CTU2: variants seen among roughly 807,000 people sequenced by gnomAD.
CTU2 encodes cytoplasmic tRNA 2-thiolation protein 2.
Under a neutral mutation model 64.1 loss-of-function variants are expected in CTU2, and 80 were observed. That is an observed-to-expected ratio of 1.25 (90% CI 1.04 to 1.50). The LOEUF (loss-of-function observed/expected upper bound fraction) is 1.50, where lower values mean the gene tolerates loss of function less well. CTU2 is among the 40% of genes most tolerant of loss of function. CTU2 has a pLI of 0.00. For synonymous variants in CTU2, 482 were observed against 285.3 expected (o/e 1.69, Z -6.95); for missense variants, 1,110 against 690.2 (o/e 1.61, Z -6.81).
intron 13 of CTU2, 56 bp from the exon 14 acceptor site, chr16:88,714,992 G>A (rs996272203): frequency 9.4e-6 from 15 of 1,596,844 alleles, no homozygotes; most frequent in Middle Eastern, 3.3e-4. Context: ...CCTCGTGGGT[G>A]GCTTGAGGGG....
rs1555551313 is a variant in CTU2, at chr16:88,714,806, A to G, written c.1353-54A>G. The stretch of plus-strand genomic sequence containing the variant: ...GGAGGGGGACCTGTCCTTACCCCAC[A>G]CTGCACGGCATTGAGGTGCCAAGGT... On this transcript the variant is annotated intron_variant, in intron 12 of 14. Coordinates refer to ENST00000453996, the MANE Select transcript of CTU2 (RefSeq NM_001012759.3). The G allele has an allele frequency of 3.7e-6, 6 of 1,611,006 alleles. No individual in the cohort carries two copies. In the South Asian group the frequency reaches 4.4e-5, roughly 12 times the overall value.
intron 6 of CTU2, 77 bp from the exon 7 acceptor site, chr16:88,712,545 T>G: frequency 6.5e-7 from 1 of 1,549,096 alleles, no homozygotes; most frequent in Non-Finnish European, 8.7e-7. Flanking sequence ...GTCTCCCGCA[T>G]CCCGGAAGGT....
In CTU2 at chr16:88,714,745, C is replaced by G; in HGVS notation, c.1352+8C>G. ...CCAGGGGGCCTGCAGGAGGTGAGTC[C>G]CTGTCCCTGCCACCCATGGCCAGCT... On this transcript the variant is annotated splice_region_variant and intron_variant, in intron 12 of 14. Coordinates refer to ENST00000453996, the MANE Select transcript of CTU2 (RefSeq NM_001012759.3). 1 of 1,605,674 alleles carries G rather than the reference C, an allele frequency of 6.2e-7. No homozygotes were observed. Among genetic ancestry groups the G allele is most frequent in the Non-Finnish European group, 8.5e-7 (1 of 1,175,668 alleles).
chr16:88,713,847 C>G, intron 9 of CTU2, 69 bp downstream of exon 9: 5 of 1,588,810 alleles, frequency 3.1e-6, no homozygotes, highest in Non-Finnish European at 4.3e-6. Context: ...GCTGGGCAGC[C>G]TCTCACAGGC....
chr16:88,709,410 C>T (rs757496471), intron 2 of CTU2: 2 of 154,100 alleles, frequency 1.3e-5, no homozygotes, highest in Non-Finnish European at 2.9e-5. Flanking sequence ...AAGATGCCAG[C>T]TCTGGGGCCC....
At chr16:88,714,250 GC>G (rs1567652207) in intron 10 of CTU2, 23 bp downstream of exon 10, 1 of 1,601,846 alleles carries the variant, frequency 6.2e-7, no homozygotes. Context: ...GTGGGTGTGT[GC>G]GGGGGGTGCG....
rs755514104 is a variant in CTU2, at chr16:88,707,124, C to A, written c.69-12C>A. 1.2e-6 allele frequency: 2 copies of A among 1,613,348 alleles called. No individual in the cohort carries two copies. The highest frequency in any genetic ancestry group is 2.2e-5 in the East Asian group (1 of 44,850). ...CTGTGTTTCTCTCTTCTCCCCCCTCCCATCTCCAAAGCCGTGAGCAGAAGT... is the reference window on the plus strand; with the variant it reads ...CTGTGTTTCTCTCTTCTCCCCCCTCACATCTCCAAAGCCGTGAGCAGAAGT... On this transcript the variant is annotated splice_polypyrimidine_tract_variant and intron_variant, in intron 1 of 14. Coordinates refer to ENST00000453996, the MANE Select transcript of CTU2 (RefSeq NM_001012759.3).
At chr16:88,710,320 C>T (rs779559096) in intron 4 of CTU2, 38 bp downstream of exon 4, 3 of 1,610,584 alleles carry the variant, frequency 1.9e-6, no homozygotes, top group Non-Finnish European at 2.5e-6. Context: ...GGCTGCTGGG[C>T]TGAGCTTCAG....
At position 88,713,490 on chromosome 16, in the gene CTU2, C is replaced by T. The variant is rs73262670; in HGVS notation, c.873+43C>T. The T allele has an allele frequency of 7.3e-3, 11,291 of 1,555,906 alleles. 731 individuals carry two copies. The African/African-American group carries it at 0.14, about 19-fold the overall frequency. On this transcript the variant is annotated intron_variant, in intron 8 of 14. Transcript: ENST00000453996. ...TGTTCAGGAGGCCCATCCTCACCTTCACCCCTTCGGCCACCTTTACTGGAG... is the reference window on the plus strand; with the variant it reads ...TGTTCAGGAGGCCCATCCTCACCTTTACCCCTTCGGCCACCTTTACTGGAG...
At chr16:88,709,173 C>G (rs115571374) in intron 2 of CTU2, 1 of 152,202 alleles carries the variant, frequency 6.6e-6, no homozygotes, top group African/African-American at 2.4e-5. Context: ...TCCTATCTAC[C>G]TGGGTGGCTG....
chr16:88,713,734 C>T lies in CTU2; in HGVS notation c.961C>T (p.Leu321=), dbSNP rs911187520. The T allele has an allele frequency of 1.2e-5, 19 of 1,612,734 alleles. No homozygotes were observed. The highest frequency in any genetic ancestry group is 1.4e-5 in the Non-Finnish European group (16 of 1,179,902). Residue 321 remains leucine (L), a synonymous_variant, in exon 9 of 15, where the codon CTG becomes TTG. Transcript: ENST00000453996. The stretch of plus-strand genomic sequence containing the variant: ...GAAGGAGGTCGCTTTCTACAACCGC[C>T]TGTTCTCCGTTCCTTCTGTCTTCAC... The part of the protein sequence containing the change: ...TLKEVAFYNR[L]FSVPSVFTPA...
Position 88,710,179 on chromosome 16 carries a change from G to T in CTU2, c.223-44G>T, listed in dbSNP as rs560067038. On this transcript the variant is annotated intron_variant, in intron 3 of 14. Coordinates refer to ENST00000453996, the MANE Select transcript of CTU2 (RefSeq NM_001012759.3). ...TGTCCACGAGGTGGGGTGTCTGCCT[G>T]TGTTGGAGGTGCGGTGCCCTGAGTG... 1.2e-5 allele frequency: 19 copies of T among 1,611,040 alleles called. No individual in the cohort carries two copies. The East Asian group carries it at 2.0e-4, about 17-fold the overall frequency.
chr16:88,714,865 A>C lies in CTU2; in HGVS notation c.1358A>C (p.Asp453Ala), dbSNP rs1001636501. ...RCGQGACRRE[D>A]PQACIEEQLC... Reference sequence around the variant, plus strand: ...AGCCAGCTCTGCTCCCGCAGGGAGGACCCCCAAGCCTGCATTGAGGAGCAG... The same window carrying C: ...AGCCAGCTCTGCTCCCGCAGGGAGGCCCCCCAAGCCTGCATTGAGGAGCAG... Residue 453 changes from aspartate to alanine, a missense_variant, in exon 13 of 15, where the codon GAC (aspartate) becomes GCC (alanine). Coordinates refer to ENST00000453996, the MANE Select transcript of CTU2 (RefSeq NM_001012759.3). The C allele has an allele frequency of 1.2e-6, 2 of 1,612,550 alleles. No individual in the cohort carries two copies. Among genetic ancestry groups the C allele is most frequent in the Non-Finnish European group, 1.7e-6 (2 of 1,179,870 alleles).
At position 88,713,636 on chromosome 16, in the gene CTU2, G is replaced by A. The variant is rs551571687; in HGVS notation, c.874-11G>A. 1 of 1,610,468 alleles carries A rather than the reference G, an allele frequency of 6.2e-7. No individual in the cohort carries two copies. The highest frequency in any genetic ancestry group is 8.5e-7 in the Non-Finnish European group (1 of 1,178,518). On this transcript the variant is annotated splice_polypyrimidine_tract_variant and intron_variant, in intron 8 of 14. Coordinates refer to ENST00000453996, the MANE Select transcript of CTU2 (RefSeq NM_001012759.3). ...CCTTGACCTGGACCACACAGCCCCT[G>A]CCTCCCGCAGGGCTTCTCGGATGAG...
At position 88,714,575 on chromosome 16, in the gene CTU2, C is replaced by T. The variant is rs200366835; in HGVS notation, c.1202-12C>T. On this transcript the variant is annotated splice_polypyrimidine_tract_variant and intron_variant, in intron 11 of 14. Coordinates refer to ENST00000453996, the MANE Select transcript of CTU2 (RefSeq NM_001012759.3). The stretch of plus-strand genomic sequence containing the variant: ...GCAGCCCCAGGCTCCGTCACCCCCT[C>T]TCTGCTTGCAGACAGTGCCACGGCT... The T allele has an allele frequency of 1.3e-4, 205 of 1,612,622 alleles. 1 individual carries two copies. In the East Asian group the frequency reaches 2.5e-3, roughly 19 times the overall value.
At chr16:88,713,877 T>G (rs1911605789) in intron 9 of CTU2, 99 bp downstream of exon 9, 1 of 1,485,568 alleles carries the variant, frequency 6.7e-7, no homozygotes, top group African/African-American at 1.4e-5. Context: ...CAGCACACCT[T>G]CAGTGACTCC....
chr16:88,713,715 G>C lies in CTU2; in HGVS notation c.942G>C (p.Glu314Asp), dbSNP rs778581918. 13 of 1,612,706 alleles carry C rather than the reference G, an allele frequency of 8.1e-6. No homozygotes were observed. The highest frequency in any genetic ancestry group is 1.7e-5 in the Admixed American group (1 of 60,026). ...VRPMRDHTLK[E>D]VAFYNRLFSV... Reference sequence around the variant, plus strand: ...CCATGCGGGACCACACCCTGAAGGAGGTCGCTTTCTACAACCGCCTGTTCT... The same window carrying C: ...CCATGCGGGACCACACCCTGAAGGACGTCGCTTTCTACAACCGCCTGTTCT... The change falls in exon 9 of 15, where the codon GAG (glutamate) becomes GAC (aspartate). Residue 314 changes from glutamate to aspartate, a missense_variant. Physicochemically the swap from Glu to Asp is conservative, Grantham distance 45. Transcript: ENST00000453996.
At chr16:88,713,860 A>G (rs1240010010) in intron 9 of CTU2, 82 bp downstream of exon 9, 10 of 1,560,938 alleles carry the variant, frequency 6.4e-6, no homozygotes, top group Middle Eastern at 1.7e-4. Flanking sequence ...TCACAGGCTC[A>G]GGTCACCAGC....
In CTU2 at chr16:88,712,319, T is replaced by G. The variant is rs748540522; in HGVS notation, c.389T>G (p.Leu130Arg). ...GQSLEERSKTLAEVKPILQAT... is the reference protein window; with the variant it reads ...GQSLEERSKTRAEVKPILQAT... Reference sequence around the variant, plus strand: ...AGCCTAGAGGAGAGATCAAAGACCCTGGCCGAAGTGAAGCCCATTCTGCAA... The same window carrying G: ...AGCCTAGAGGAGAGATCAAAGACCCGGGCCGAAGTGAAGCCCATTCTGCAA... The change falls in exon 6 of 15, where the codon CTG becomes CGG. Residue 130 changes from leucine (L) to arginine (R), a missense_variant. Transcript: ENST00000453996. 1.2e-6 allele frequency: 2 copies of G among 1,610,286 alleles called. No homozygotes were observed. Among genetic ancestry groups the G allele is most frequent in the South Asian group, 2.2e-5 (2 of 90,188 alleles).
Sources: allele counts gnomAD v4.1 joint callset, GRCh38; gene constraint gnomAD v4.1.1; transcripts MANE v1.5; gene names NCBI Gene and HGNC (gene_info 2026-07-23, HGNC 2026-07-21).